YTHDF3: variants seen among roughly 807,000 people sequenced by gnomAD.
The protein encoded by YTHDF3 is YTH domain-containing family protein 3.
YTHDF3 carries 9 observed loss-of-function variants against 52.5 expected under a neutral mutation model. The observed-to-expected ratio is 0.17, with a 90% CI of 0.10 to 0.30. The LOEUF is 0.30. Ranked by LOEUF, YTHDF3 falls within the 10% of genes least tolerant of loss-of-function variation. The probability of loss-of-function intolerance (pLI) is 1.00; values close to 1 mark genes in which losing one functional copy is unlikely to be tolerated. For missense variants in YTHDF3, 534 were observed against 715.0 expected (o/e 0.75, Z 2.89); for synonymous variants, 274 against 243.3 (o/e 1.13, Z -1.18).
chr8:63,175,580 C>G, intron 3 of YTHDF3, 164 bp downstream of exon 3: 1 of 530,864 alleles, frequency 1.9e-6, no homozygotes, highest in Non-Finnish European at 3.4e-6. Context: ...ATTTATGGCA[C>G]AGGAGAGTTC....
intron 4 of YTHDF3, among the ~76,000 whole-genome samples, chr8:63,201,604 A>G (rs1311490738): frequency 6.6e-6 from 1 of 152,180 alleles, no homozygotes; most frequent in Non-Finnish European, 1.5e-5. Flanking sequence ...TCTGAGTGAA[A>G]TTGACTTCAC....
chr8:63,194,791 A>C (rs1809131729), intron 4 of YTHDF3, among the ~76,000 whole-genome samples: 1 of 152,214 alleles, frequency 6.6e-6, no homozygotes, highest in Non-Finnish European at 1.5e-5. Context: ...ACTTGGTTAC[A>C]ACAATTTTGA....
chr8:63,185,883 A>G (rs1283806682), intron 3 of YTHDF3, among the ~76,000 whole-genome samples: 1 of 152,244 alleles, frequency 6.6e-6, no homozygotes, highest in Non-Finnish European at 1.5e-5. Flanking sequence ...TCTTCAAACA[A>G]AAATAATACT....
intron 4 of YTHDF3, chr8:63,188,678 C>CGTATATAT (rs1808691182): frequency 1.6e-5 from 1 of 61,988 alleles, no homozygotes; most frequent in East Asian, 5.8e-4. Context: ...TAAGAAATTA[C>CGTATATAT]ATATATATAT....
Position 63,187,715 on chromosome 8 carries a change from G to A in YTHDF3, c.1704G>A (p.Lys568=). 6.2e-7 allele frequency: 1 copy of A among 1,609,492 alleles called. No homozygotes were observed. The highest frequency in any genetic ancestry group is 8.5e-7 in the Non-Finnish European group (1 of 1,177,680). ...SIFDDFAHYE[K]RQEEEEAMRR... The stretch of plus-strand genomic sequence containing the variant: ...TTGATGACTTTGCACATTATGAAAA[G>A]CGTCAAGAAGAGGAGGAAGCCATGC... The change falls in exon 4 of 5, where the codon AAG becomes AAA. Residue 568 remains lysine, a synonymous_variant. Coordinates refer to ENST00000539294, the MANE Select transcript of YTHDF3 (RefSeq NM_152758.6).
intron 4 of YTHDF3, among the ~76,000 whole-genome samples, chr8:63,197,252 G>C (rs139339161): frequency 4.7e-4 from 71 of 152,334 alleles, no homozygotes; most frequent in Admixed American, 1.0e-3. Flanking sequence ...TTTGTTAAAA[G>C]TGGAAATGCT....
Position 63,186,907 on chromosome 8 carries a change from C to T in YTHDF3, c.896C>T (p.Thr299Ile), listed in dbSNP as rs892910092. The T allele has an allele frequency of 7.4e-6, 12 of 1,614,008 alleles. No individual in the cohort carries two copies. The highest frequency in any genetic ancestry group is 1.0e-5 in the Non-Finnish European group (12 of 1,179,896). Residue 299 changes from threonine to isoleucine, a missense_variant, in exon 4 of 5, where the codon ACT (threonine) becomes ATT (isoleucine). Around this residue, in one of 3 missense-constraint regions of YTHDF3, gnomAD observed 203 missense variants for 201.3 expected, o/e 1.01. Coordinates refer to ENST00000539294, the MANE Select transcript of YTHDF3 (RefSeq NM_152758.6). The stretch of plus-strand genomic sequence containing the variant: ...ACCCAACCAGTTCTGCCTCCTCAAA[C>T]TATAATCCAGCAGCCTCAGCCATTA... ...PPTQPVLPPQ[T>I]IIQQPQPLIQ...
At chr8:63,195,868 A>G (rs563238468) in intron 4 of YTHDF3, among the ~76,000 whole-genome samples, 5 of 152,030 alleles carry the variant, frequency 3.3e-5, no homozygotes, top group South Asian at 2.1e-4. Flanking sequence ...TGGTGTGATC[A>G]TAAGTTCACT....
At chr8:63,169,203 T>G in intron 1 of YTHDF3, 184 bp from the exon 2 acceptor site, 2 of 1,338,058 alleles carry the variant, frequency 1.5e-6, no homozygotes, top group Non-Finnish European at 2.0e-6. Context: ...GGATTCCGAG[T>G]GGCGGGTGGG....
intron 3 of YTHDF3, among the ~76,000 whole-genome samples, chr8:63,177,768 T>TG (rs1243123289): frequency 6.6e-6 from 1 of 151,988 alleles, no homozygotes; most frequent in Admixed American, 6.6e-5. Flanking sequence ...TATTTTTTTT[T>TG]TTTTTTTGAA....
rs1554533374 is a variant in YTHDF3 at position 63,173,202 on chromosome 8, T to TTTTATATATA, written c.50-2128_50-2127insTTATATATAT. Among the ~76,000 whole-genome samples the TTTTATATATA allele has an allele frequency of 5.6e-5, 7 of 125,884 alleles. 1 individual carries two copies. The highest frequency in any genetic ancestry group is 2.8e-4 in the African/African-American group (7 of 24,754). The allele number at this position is 125,884 out of a possible 152,430, so 82.6% of individuals were successfully genotyped here. A position where few individuals can be genotyped will look rare whatever the true frequency, so the allele number is the denominator to read the frequency against. ...AAAAATAAGAATAACAGGATTATAT[T>TTTTATATATA]TATATATATATACAGATAAATTTTA... is the stretch of plus-strand genomic sequence containing the variant. On this transcript the variant is annotated intron_variant, in intron 2 of 4. Transcript: ENST00000539294.
intron 2 of YTHDF3, among the ~76,000 whole-genome samples, chr8:63,171,822 T>C (rs1807345857): frequency 6.6e-6 from 1 of 152,214 alleles, no homozygotes; most frequent in Non-Finnish European, 1.5e-5. Context: ...GTTAAAGTTT[T>C]GAACACGTAA....
At chr8:63,209,641 C>G in intron 4 of YTHDF3, 42 bp from the exon 5 acceptor site, 1 of 1,512,444 alleles carries the variant, frequency 6.6e-7, no homozygotes, top group Non-Finnish European at 8.8e-7. Flanking sequence ...GAGAGTTTTT[C>G]ATTGTAATTC....
At chr8:63,202,828 G>T (rs1809728606) in intron 4 of YTHDF3, among the ~76,000 whole-genome samples, 1 of 151,954 alleles carries the variant, frequency 6.6e-6, no homozygotes, top group African/African-American at 2.4e-5. Context: ...TTCATTCCTG[G>T]TAAGTCATTA....
chr8:63,170,069 A>T (rs574576021), intron 2 of YTHDF3, among the ~76,000 whole-genome samples: 151 of 152,324 alleles, frequency 9.9e-4, no homozygotes, highest in Middle Eastern at 3.4e-3. Context: ...TTTTTTAAAA[A>T]GTGTGTTTTG....
chr8:63,175,446 G>A, intron 3 of YTHDF3, 30 bp downstream of exon 3: 1 of 1,533,976 alleles, frequency 6.5e-7, no homozygotes, highest in South Asian at 1.2e-5. Flanking sequence ...CAGATTTTAG[G>A]AAATTAACCT....
chr8:63,183,235 A>G (rs748224529), intron 3 of YTHDF3, among the ~76,000 whole-genome samples: 10 of 152,190 alleles, frequency 6.6e-5, no homozygotes, highest in Non-Finnish European at 1.2e-4. Context: ...TGCTGGGATT[A>G]TAGGCATGAA....
intron 4 of YTHDF3, among the ~76,000 whole-genome samples, chr8:63,200,155 GT>G (rs1809506773): frequency 6.6e-6 from 1 of 152,150 alleles, no homozygotes; most frequent in South Asian, 2.1e-4. Flanking sequence ...GCAGAATTCA[GT>G]TTCTCAAGCG....
Position 63,212,399 on chromosome 8 carries a change from T to G in YTHDF3, c.*2693T>G, listed in dbSNP as rs1585799576. The G allele has an allele frequency of 6.6e-6, 1 of 152,268 alleles. No homozygotes were observed. Among genetic ancestry groups the G allele is most frequent in the African/African-American group, 2.4e-5 (1 of 41,268 alleles). The allele number at this position is 152,268 out of a possible 1,614,324, so 9.4% of individuals were successfully genotyped here. ...AAAGCTGTGTTCTTTTTGAATACCGTGCATGGGGGTTAAGCTGATGTTAAA... is the reference window on the plus strand; with the variant it reads ...AAAGCTGTGTTCTTTTTGAATACCGGGCATGGGGGTTAAGCTGATGTTAAA... On this transcript the variant is annotated 3_prime_UTR_variant, in exon 5 of 5. Coordinates refer to ENST00000539294, the MANE Select transcript of YTHDF3 (RefSeq NM_152758.6).
Sources: gnomAD v4.1 joint callset for allele counts (sites outside exome capture counted in the v4.1 genomes callset) on GRCh38, gnomAD v4.1.1 for gene constraint, gnomAD v4.1.1 regional missense constraint, MANE v1.5 for transcripts, NCBI Gene and HGNC (gene_info 2026-07-23, HGNC 2026-07-21) for gene names.